The following TRAF3IP1 variants were observed in gnomAD, a reference collection of about 807,000 sequenced individuals.
TRAF3IP1 encodes the protein TRAF3-interacting protein 1.
TRAF3IP1 carries 53 observed loss-of-function variants against 89.9 expected under a neutral mutation model. The observed-to-expected ratio is 0.59, with a 90% CI of 0.47 to 0.74. The LOEUF (loss-of-function observed/expected upper bound fraction) is 0.74. TRAF3IP1 is among the 30% of genes least tolerant of loss of function. The pLI, the probability that TRAF3IP1 is intolerant of heterozygous loss-of-function variation, is 0.00. For synonymous variants in TRAF3IP1, 311 were observed against 322.1 expected, an observed-to-expected ratio of 0.97 and a Z score of 0.37; for missense variants, 806 against 866.1, an observed-to-expected ratio of 0.93 and a Z score of 0.87.
chr2:238,348,389 CTGAT>C (rs1698997579), intron 10 of TRAF3IP1, among the ~76,000 whole-genome samples: 1 of 152,112 alleles, frequency 6.6e-6, no homozygotes, highest in Non-Finnish European at 1.5e-5. Context: ...TACTTAGTTA[CTGAT>C]TGATTGTCAG....
intron 15 of TRAF3IP1, among the ~76,000 whole-genome samples, chr2:238,376,515 C>G (rs373412480): frequency 1.3e-5 from 2 of 152,282 alleles, no homozygotes; most frequent in Non-Finnish European, 1.5e-5. Context: ...ATATTATAAC[C>G]TGCTTATTGA....
rs915024066 is a variant in TRAF3IP1, at chr2:238,400,263, T to A, written c.*1344T>A. ...GGCGCACGCCACCATGCCCAGCTAA[T>A]TTTTGTATTTTCAGTAGAGATGGGG... On this transcript the variant is annotated 3_prime_UTR_variant, in exon 17 of 17. Coordinates refer to ENST00000373327, the MANE Select transcript of TRAF3IP1 (RefSeq NM_015650.4). 6.6e-6 allele frequency: 1 copy of A among 152,150 alleles called. No individual in the cohort carries two copies. The highest frequency in any genetic ancestry group is 2.4e-5 in the African/African-American group (1 of 41,424). 9.4% of individuals were successfully genotyped at this position (152,150 alleles called of 1,614,324 possible). A position where few individuals can be genotyped will look rare whatever the true frequency, so the allele number is the denominator to read the frequency against.
At chr2:238,354,690 G>A (rs1019749171) in intron 14 of TRAF3IP1, among the ~76,000 whole-genome samples, 6 of 151,652 alleles carry the variant, frequency 4.0e-5, no homozygotes, top group South Asian at 2.1e-4. Context: ...TCGCCCTGTC[G>A]CCCAGGCTGG....
At chr2:238,388,934 A>G (rs1255989897) in intron 15 of TRAF3IP1, among the ~76,000 whole-genome samples, 1 of 152,206 alleles carries the variant, frequency 6.6e-6, no homozygotes, top group Non-Finnish European at 1.5e-5. Context: ...CGCCCAGCCT[A>G]GAAAACAAAC....
chr2:238,352,948 A>C lies in TRAF3IP1; in HGVS notation c.1573A>C (p.Met525Leu). ...GCTCTCTGAAATGTCAGAAATTGAAATGGTTAGTTAACCGAAATATGATGT... is the reference window on the plus strand; with the variant it reads ...GCTCTCTGAAATGTCAGAAATTGAACTGGTTAGTTAACCGAAATATGATGT... Reference protein sequence around the residue: ...PQLSEMSEIEMVTAVELEEEE... With the variant: ...PQLSEMSEIELVTAVELEEEE... Residue 525 changes from methionine to leucine, a missense_variant and splice_region_variant, in exon 13 of 17, where the codon ATG becomes CTG. Physicochemically the swap from Met to Leu is conservative, Grantham distance 15. Coordinates refer to ENST00000373327, the MANE Select transcript of TRAF3IP1 (RefSeq NM_015650.4). The C allele has an allele frequency of 1.2e-6, 2 of 1,607,432 alleles. No individual in the cohort carries two copies. Among genetic ancestry groups the C allele is most frequent in the Non-Finnish European group, 8.5e-7 (1 of 1,178,262 alleles).
Position 238,371,136 on chromosome 2 carries a change from T to C in TRAF3IP1, c.1689+15056T>C, listed in dbSNP as rs187427065. Among the ~76,000 whole-genome samples, 5 of 152,346 alleles carry C rather than the reference T, an allele frequency of 3.3e-5. 1 individual carries two copies. The highest frequency in any genetic ancestry group is 3.9e-4 in the East Asian group (2 of 5,190). On this transcript the variant is annotated intron_variant, in intron 15 of 16. Transcript: ENST00000373327. ...CAGTTAATGCGACATTGAAAGTCTG[T>C]TTTTTAGAGGTGCTTTGTACTTTTC...
chr2:238,347,512 A>G (rs760069598), intron 10 of TRAF3IP1, 37 bp downstream of exon 10: 1 of 1,609,624 alleles, frequency 6.2e-7, no homozygotes. Flanking sequence ...TGTCATATCA[A>G]TTGTATGCAT....
intron 15 of TRAF3IP1, among the ~76,000 whole-genome samples, chr2:238,361,329 A>G (rs1465888227): frequency 2.6e-5 from 4 of 152,248 alleles, no homozygotes; most frequent in South Asian, 2.1e-4. Flanking sequence ...CACCTGGCCA[A>G]ACTTTTCTAT....
chr2:238,377,230 C>CTTTTTTTTTTTTTT lies in TRAF3IP1; in HGVS notation c.1690-20219_1690-20206dup, dbSNP rs71402784. Among the ~76,000 whole-genome samples, 7 of 86,708 alleles carry CTTTTTTTTTTTTTT rather than the reference C, an allele frequency of 8.1e-5. 1 individual carries two copies. The highest frequency in any genetic ancestry group is 7.1e-4 in the East Asian group (2 of 2,822). The allele number at this position is 86,708 out of a possible 152,430, so 56.9% of individuals were successfully genotyped here. ...CCTCGTTTCCTTCCTTCCTGATTTTCTTTTTTTTTTTTTTTTTTTTTTTGA... is the reference window on the plus strand; with the variant it reads ...CCTCGTTTCCTTCCTTCCTGATTTTCTTTTTTTTTTTTTTTTTTTTTTTTTTTTTTTTTTTTTGA... On this transcript the variant is annotated intron_variant, in intron 15 of 16. Coordinates refer to ENST00000373327, the MANE Select transcript of TRAF3IP1 (RefSeq NM_015650.4).
intron 15 of TRAF3IP1, among the ~76,000 whole-genome samples, chr2:238,356,960 A>G (rs1272731314): frequency 1.3e-5 from 2 of 151,972 alleles, no homozygotes; most frequent in Non-Finnish European, 2.9e-5. Context: ...TTGTATTTTT[A>G]GTAGAGACGG....
rs1358016801 is a variant in TRAF3IP1 at position 238,328,977 on chromosome 2, CAGAA to C, written c.551_554del (p.Gln184ArgfsTer4). ...GAGAAGTACAAGCAGAGATCGAAAA[CAGAA>C]GGAAGAATTGAAAGAAGACCGCAAG... On this transcript the variant is annotated frameshift_variant, in exon 5 of 17. Coordinates refer to ENST00000373327, the MANE Select transcript of TRAF3IP1 (RefSeq NM_015650.4). LOFTEE classifies it high-confidence loss of function. 3 of 1,552,148 alleles carry C rather than the reference CAGAA, an allele frequency of 1.9e-6. No homozygotes were observed. Among genetic ancestry groups the C allele is most frequent in the Non-Finnish European group, 8.7e-7 (1 of 1,148,004 alleles).
intron 8 of TRAF3IP1, among the ~76,000 whole-genome samples, chr2:238,339,376 G>T (rs546451215): frequency 6.6e-6 from 1 of 152,354 alleles, no homozygotes; most frequent in Non-Finnish European, 1.5e-5. Context: ...TGCCATACAG[G>T]CATGCATGTT....
Position 238,398,742 on chromosome 2 carries a change from G to A in TRAF3IP1, c.1911-12G>A. 6.4e-7 allele frequency: 1 copy of A among 1,564,704 alleles called. No homozygotes were observed. On this transcript the variant is annotated splice_polypyrimidine_tract_variant and intron_variant, in intron 16 of 16. Coordinates refer to ENST00000373327, the MANE Select transcript of TRAF3IP1 (RefSeq NM_015650.4). ...GAGAGAGTGATGAGCCGCTGGTTTTGTTCTCCCTCAGGATCACAGACTGTG... is the reference window on the plus strand; with the variant it reads ...GAGAGAGTGATGAGCCGCTGGTTTTATTCTCCCTCAGGATCACAGACTGTG...
intron 15 of TRAF3IP1, among the ~76,000 whole-genome samples, chr2:238,382,297 T>C (rs1312211668): frequency 1.3e-5 from 2 of 152,056 alleles, no homozygotes; most frequent in Non-Finnish European, 2.9e-5. Context: ...AGTACCAATA[T>C]GATACTGAGA....
intron 15 of TRAF3IP1, among the ~76,000 whole-genome samples, chr2:238,370,285 G>A (rs532592801): frequency 6.6e-6 from 1 of 152,100 alleles, no homozygotes; most frequent in African/African-American, 2.4e-5. Flanking sequence ...GTCTGTGTCT[G>A]TGTGTGCATG....
rs756770084 is a variant in TRAF3IP1 at position 238,397,503 on chromosome 2, C to T, written c.1734C>T (p.Ile578=). ...FESAWKKEKD[I]VSKEIEKLRT... ...CGGCATGGAAGAAGGAGAAGGACAT[C>T]GTTTCCAAGGAGATAGAGAAGCTCC... Residue 578 remains isoleucine (I), a synonymous_variant, in exon 16 of 17, where the codon ATC becomes ATT. Coordinates refer to ENST00000373327, the MANE Select transcript of TRAF3IP1 (RefSeq NM_015650.4). The T allele has an allele frequency of 6.2e-6, 10 of 1,612,976 alleles. No individual in the cohort carries two copies. The highest frequency in any genetic ancestry group is 2.2e-5 in the South Asian group (2 of 91,072).
chr2:238,336,661 G>A (rs1559361175), intron 7 of TRAF3IP1, among the ~76,000 whole-genome samples: 1 of 152,060 alleles, frequency 6.6e-6, no homozygotes, highest in South Asian at 2.1e-4. Context: ...GACTTAATGA[G>A]TACATTTTAA....
In TRAF3IP1 at chr2:238,397,522, A is replaced by G. The variant is rs773639842; in HGVS notation, c.1753A>G (p.Lys585Glu). 6.2e-7 allele frequency: 1 copy of G among 1,613,112 alleles called. No individual in the cohort carries two copies. Among genetic ancestry groups the G allele is most frequent in the South Asian group, 1.1e-5 (1 of 91,086 alleles). Residue 585 changes from lysine to glutamate, a missense_variant, in exon 16 of 17, where the codon AAG becomes GAG. Coordinates refer to ENST00000373327, the MANE Select transcript of TRAF3IP1 (RefSeq NM_015650.4). Reference protein sequence around the residue: ...EKDIVSKEIEKLRTSIQTLCK... With the variant: ...EKDIVSKEIEELRTSIQTLCK... ...GGACATCGTTTCCAAGGAGATAGAG[A>G]AGCTCCGCACGTCCATCCAGACCCT... is the stretch of plus-strand genomic sequence containing the variant.
intron 14 of TRAF3IP1, among the ~76,000 whole-genome samples, chr2:238,353,646 G>T (rs1699276079): frequency 6.6e-6 from 1 of 152,174 alleles, no homozygotes; most frequent in African/African-American, 2.4e-5. Context: ...TGCAGAAGAG[G>T]CAGGCTGAGT....
Sources: gnomAD v4.1 joint callset for allele counts (sites outside exome capture counted in the v4.1 genomes callset) on GRCh38, gnomAD v4.1.1 for gene constraint, MANE v1.5 for transcripts, NCBI Gene and HGNC (gene_info 2026-07-23, HGNC 2026-07-21) for gene names.